The following ERGIC2 variants were observed in gnomAD, a reference collection of about 807,000 sequenced individuals.
ERGIC2 encodes endoplasmic reticulum-Golgi intermediate compartment protein 2.
ERGIC2 carries 31 observed loss-of-function variants against 52.5 expected under a neutral mutation model. That is an observed-to-expected ratio of 0.59 (90% CI 0.44 to 0.80). ERGIC2 has a LOEUF of 0.80. ERGIC2 is among the 30% of genes least tolerant of loss of function. The probability of loss-of-function intolerance (pLI) is 0.00; values close to 1 mark genes in which losing one functional copy is unlikely to be tolerated. For synonymous variants in ERGIC2, 129 were observed against 140.6 expected (o/e 0.92, Z 0.58); for missense variants, 395 against 455.2 (o/e 0.87, Z 1.20).
At chr12:29,377,375 G>A (rs1210846789) in intron 1 of ERGIC2, among the ~76,000 whole-genome samples, 1 of 152,158 alleles carries the variant, frequency 6.6e-6, no homozygotes, top group African/African-American at 2.4e-5. Flanking sequence ...ATTCTCAGAT[G>A]CTCAAGTCAC....
rs1949824199 is a variant in ERGIC2 at position 29,339,773 on chromosome 12, T to C, written c.*1383A>G. ...ATAAATTTATCTTTAAAAAAATCCATTTGAAAAACTGTTACTTGTGATATC... is the reference window on the plus strand; with the variant it reads ...ATAAATTTATCTTTAAAAAAATCCACTTGAAAAACTGTTACTTGTGATATC... On this transcript the variant is annotated 3_prime_UTR_variant, in exon 14 of 14. Transcript: ENST00000360150. 6.6e-6 allele frequency: 1 copy of C among 152,148 alleles called. No homozygotes were observed. The highest frequency in any genetic ancestry group is 2.4e-5 in the African/African-American group (1 of 41,454). 9.4% of individuals were successfully genotyped at this position (152,148 alleles called of 1,614,324 possible). A position where few individuals can be genotyped will look rare whatever the true frequency, so the allele number is the denominator to read the frequency against.
chr12:29,345,953 A>T (rs550711323), intron 10 of ERGIC2, among the ~76,000 whole-genome samples: 1 of 152,222 alleles, frequency 6.6e-6, no homozygotes, highest in African/African-American at 2.4e-5. Flanking sequence ...TCTCAAACAA[A>T]TAAAAAATAA....
Position 29,341,163 on chromosome 12 carries a change from G to C in ERGIC2, c.1127C>G (p.Thr376Arg). The C allele has an allele frequency of 6.2e-7, 1 of 1,607,816 alleles. No individual in the cohort carries two copies. Among genetic ancestry groups the C allele is most frequent in the Non-Finnish European group, 8.5e-7 (1 of 1,176,236 alleles). Residue 376 changes from threonine to arginine, a missense_variant, in exon 14 of 14, where the codon ACA becomes AGA. Physicochemically the swap from Thr to Arg is moderately conservative, Grantham distance 71 (BLOSUM62 -1). Transcript: ENST00000360150. ...DNHLPLLENN[T>R]H The stretch of plus-strand genomic sequence containing the variant: ...TCCTTCAATCGGGAGGTGTTAATGT[G>C]TATTATTTTCTAAAAGAGGTAAGTG...
At chr12:29,357,929 A>G (rs1372859922) in intron 6 of ERGIC2, among the ~76,000 whole-genome samples, 3 of 152,344 alleles carry the variant, frequency 2.0e-5, no homozygotes, top group Admixed American at 6.5e-5. Flanking sequence ...CTAATAGCTG[A>G]GCTCCATAAG....
chr12:29,350,201 T>G (rs1311148297), intron 8 of ERGIC2, 133 bp from the exon 9 acceptor site: 15 of 584,170 alleles, frequency 2.6e-5, no homozygotes, highest in Non-Finnish European at 4.6e-5. Context: ...TTTGGCCTAT[T>G]GACTGAGCAG....
intron 1 of ERGIC2, among the ~76,000 whole-genome samples, chr12:29,380,345 T>C (rs752296429): frequency 4.6e-5 from 7 of 152,134 alleles, no homozygotes; most frequent in Non-Finnish European, 7.3e-5. Context: ...TTTTTAACTG[T>C]AACTTTCATT....
At position 29,338,236 on chromosome 12, in the gene ERGIC2, T is replaced by G. The variant is rs1306369518; in HGVS notation, c.*2920A>C. 1 of 151,960 alleles carries G rather than the reference T, an allele frequency of 6.6e-6. No individual in the cohort carries two copies. Among genetic ancestry groups the G allele is most frequent in the Non-Finnish European group, 1.5e-5 (1 of 68,000 alleles). The allele number at this position is 151,960 out of a possible 1,614,324, so 9.4% of individuals were successfully genotyped here. A position where few individuals can be genotyped will look rare whatever the true frequency, so the allele number is the denominator to read the frequency against. On this transcript the variant is annotated 3_prime_UTR_variant, in exon 14 of 14. Transcript: ENST00000360150. ...TTCATGAATTCCAAAATTAAGATTG[T>G]ATTAAAGACTGTAAATCTTGTTTGC...
chr12:29,350,084 A>G lies in ERGIC2; in HGVS notation c.573-16T>C. The G allele has an allele frequency of 6.5e-7, 1 of 1,539,692 alleles. No homozygotes were observed. Among genetic ancestry groups the G allele is most frequent in the Non-Finnish European group, 9.0e-7 (1 of 1,115,296 alleles). ...TGGAATTGCCCTGAAAGGAGAAAAA[A>G]CAATTATTAAAGTAGTACCATTTAT... On this transcript the variant is annotated splice_polypyrimidine_tract_variant and intron_variant, in intron 8 of 13. Transcript: ENST00000360150.
intron 8 of ERGIC2, among the ~76,000 whole-genome samples, chr12:29,353,094 T>C (rs1386885740): frequency 6.6e-6 from 1 of 152,234 alleles, no homozygotes; most frequent in African/African-American, 2.4e-5. Context: ...ATTTGTTCTA[T>C]GTGTTACCTA....
intron 1 of ERGIC2, among the ~76,000 whole-genome samples, chr12:29,379,416 C>T (rs1940557029): frequency 6.6e-6 from 1 of 152,042 alleles, no homozygotes; most frequent in Admixed American, 6.6e-5. Flanking sequence ...AGAAAACAAG[C>T]AACTGGATAA....
At chr12:29,374,716 C>A (rs1190222985) in intron 1 of ERGIC2, among the ~76,000 whole-genome samples, 6 of 152,150 alleles carry the variant, frequency 3.9e-5, no homozygotes, top group African/African-American at 1.4e-4. Context: ...TTCTAAATTT[C>A]TCTTAAATCT....
chr12:29,377,090 T>C (rs1182497969), intron 1 of ERGIC2, among the ~76,000 whole-genome samples: 1 of 152,162 alleles, frequency 6.6e-6, no homozygotes, highest in Non-Finnish European at 1.5e-5. Context: ...CTCAAATAGA[T>C]ATACATTTTC....
At chr12:29,360,106 G>GTGAGGT (rs1940262517) in intron 6 of ERGIC2, among the ~76,000 whole-genome samples, 1 of 152,000 alleles carries the variant, frequency 6.6e-6, no homozygotes, top group Admixed American at 6.6e-5. Flanking sequence ...CCTGTTGTTG[G>GTGAGGT]TGAGGTTGTA....
intron 11 of ERGIC2, 83 bp downstream of exon 11, chr12:29,345,360 C>T: frequency 1.3e-6 from 1 of 745,348 alleles, no homozygotes; most frequent in Non-Finnish European, 2.3e-6. Context: ...AAGTAAAACA[C>T]CACCTTATTT....
intron 7 of ERGIC2, among the ~76,000 whole-genome samples, chr12:29,357,050 C>CA: frequency 6.6e-6 from 1 of 151,634 alleles, no homozygotes; most frequent in Non-Finnish European, 1.5e-5. Flanking sequence ...TCACTGTAAC[C>CA]CCGCCTCCTG....
chr12:29,349,765 C>T (rs1940106461), intron 9 of ERGIC2, among the ~76,000 whole-genome samples: 1 of 151,820 alleles, frequency 6.6e-6, no homozygotes, highest in Admixed American at 6.6e-5. Flanking sequence ...TTTCTTTATC[C>T]CTAAAAATTA....
At chr12:29,366,994 C>T in intron 4 of ERGIC2, 47 bp from the exon 5 acceptor site, 1 of 968,564 alleles carries the variant, frequency 1.0e-6, no homozygotes, top group Non-Finnish European at 1.5e-6. Flanking sequence ...TGCTTGGAGG[C>T]AAACCATCCC....
chr12:29,355,231 T>G (rs1940186609), intron 8 of ERGIC2, among the ~76,000 whole-genome samples: 1 of 152,152 alleles, frequency 6.6e-6, no homozygotes, highest in Non-Finnish European at 1.5e-5. Flanking sequence ...ATACTTCTCC[T>G]TTACAGGCTC....
intron 11 of ERGIC2, among the ~76,000 whole-genome samples, chr12:29,344,106 T>A (rs965752812): frequency 3.3e-5 from 5 of 152,210 alleles, no homozygotes; most frequent in Non-Finnish European, 5.9e-5. Flanking sequence ...TATCAGTATA[T>A]AGAAATCCTT....
Sources: gnomAD v4.1 joint callset for allele counts (sites outside exome capture counted in the v4.1 genomes callset) on GRCh38, gnomAD v4.1.1 for gene constraint, MANE v1.5 for transcripts, NCBI Gene and HGNC (gene_info 2026-07-23, HGNC 2026-07-21) for gene names.